ZNF333: variants seen among roughly 807,000 people sequenced by gnomAD.
The protein encoded by ZNF333 is zinc finger protein 333.
In ZNF333, 61 loss-of-function variants were observed where a neutral mutation model predicts 76.1. The observed-to-expected ratio is 0.80, with a 90% CI of 0.65 to 0.99. The LOEUF (loss-of-function observed/expected upper bound fraction) is 0.99, where lower values mean the gene tolerates loss of function less well. Ranked by LOEUF, ZNF333 falls within the 50% of genes least tolerant of loss-of-function variation. The pLI, the probability that ZNF333 is intolerant of heterozygous loss-of-function variation, is 0.00. For missense variants in ZNF333, 717 were observed against 822.4 expected (o/e 0.87, Z 1.57); for synonymous variants, 284 against 305.0 (o/e 0.93, Z 0.72).
At position 14,706,737 on chromosome 19, in the gene ZNF333, C is replaced by T. The variant is rs754466142; in HGVS notation, c.475C>T (p.Leu159=). 2.4e-5 allele frequency: 38 copies of T among 1,613,844 alleles called. No individual in the cohort carries two copies. The highest frequency in any genetic ancestry group is 3.0e-5 in the Non-Finnish European group (35 of 1,180,006). Residue 159 remains leucine, a synonymous_variant, in exon 7 of 12, where the codon CTG becomes TTG. Transcript: ENST00000292530. ...GAGGGTGGTGATACCAGTGCCTACT[C>T]TGGGCCACCGCAACCCATGGGTGGC... is the stretch of plus-strand genomic sequence containing the variant. ...IQRVVIPVPT[L]GHRNPWVARD...
chr19:14,724,083 G>C (rs1452912575), downstream of ZNF333, among the ~76,000 whole-genome samples: 3 of 152,184 alleles, frequency 2.0e-5, no homozygotes, highest in Admixed American at 2.0e-4. Context: ...CCATCTTTTG[G>C]TGTACTGCCT....
chr19:14,711,474 A>G (rs1291237389), intron 7 of ZNF333, among the ~76,000 whole-genome samples: 1 of 152,042 alleles, frequency 6.6e-6, no homozygotes, highest in Non-Finnish European at 1.5e-5. Flanking sequence ...GTTGGAGACC[A>G]GCCTGGGCAA....
At chr19:14,699,672 G>T (rs1156748698) in intron 5 of ZNF333, among the ~76,000 whole-genome samples, 1 of 152,078 alleles carries the variant, frequency 6.6e-6, no homozygotes, top group Admixed American at 6.6e-5. Flanking sequence ...GTGTTGGCCA[G>T]GCTGGTCTCG....
intron 5 of ZNF333, among the ~76,000 whole-genome samples, chr19:14,702,818 T>A (rs2041995680): frequency 6.6e-6 from 1 of 152,122 alleles, no homozygotes; most frequent in African/African-American, 2.4e-5. Flanking sequence ...CTCAGGAAAC[T>A]TACAACATGG....
downstream of ZNF333, among the ~76,000 whole-genome samples, chr19:14,724,152 A>C (rs541504103): frequency 3.3e-5 from 5 of 152,162 alleles, no homozygotes; most frequent in African/African-American, 1.2e-4. Context: ...GTCCTTGCCT[A>C]TCTTAATGAG....
chr19:14,718,201 G>T (rs754889255), intron 11 of ZNF333, 27 bp from the exon 12 acceptor site: 1 of 1,583,144 alleles, frequency 6.3e-7, no homozygotes, highest in Non-Finnish European at 8.6e-7. Context: ...TAAGGCCTTT[G>T]GTCTTCACAT....
chr19:14,704,511 A>G (rs1041130043), intron 5 of ZNF333, among the ~76,000 whole-genome samples: 2 of 152,186 alleles, frequency 1.3e-5, no homozygotes, highest in African/African-American at 4.8e-5. Flanking sequence ...TGATAAAGAC[A>G]TACCCGAGAC....
At chr19:14,708,789 C>G (rs189056525) in intron 7 of ZNF333, 1 of 160,552 alleles carries the variant, frequency 6.2e-6, no homozygotes, top group East Asian at 1.7e-4. Context: ...GCCAGAAGCT[C>G]GAGAGCAAGG....
chr19:14,701,594 T>C, intron 5 of ZNF333: 5 of 985,406 alleles, frequency 5.1e-6, no homozygotes, highest in Non-Finnish European at 6.0e-6. Flanking sequence ...GTGGACCCCA[T>C]GTGAAGAAAG....
intron 5 of ZNF333, among the ~76,000 whole-genome samples, chr19:14,700,047 C>T: frequency 6.6e-6 from 1 of 152,180 alleles, no homozygotes. Flanking sequence ...CTCTGCCACA[C>T]AGGCTGGAAT....
Position 14,718,722 on chromosome 19 carries a change from C to T in ZNF333, c.1395C>T (p.Leu465=), listed in dbSNP as rs1234352402. The T allele has an allele frequency of 1.2e-6, 2 of 1,613,972 alleles. No individual in the cohort carries two copies. The highest frequency in any genetic ancestry group is 2.2e-5 in the East Asian group (1 of 44,876). ...AAGCCTTCAATCAGCCATCATCCCTCAGGAGCCACGTGAGAACTCACACTG... is the reference window on the plus strand; with the variant it reads ...AAGCCTTCAATCAGCCATCATCCCTTAGGAGCCACGTGAGAACTCACACTG... ...CGKAFNQPSS[L]RSHVRTHTGE... Residue 465 remains leucine (L), a synonymous_variant, in exon 12 of 12, where the codon CTC becomes CTT. Transcript: ENST00000292530.
chr19:14,719,110 T>C lies in ZNF333; in HGVS notation c.1783T>C (p.Cys595Arg). Residue 595 changes from cysteine (C) to arginine (R), a missense_variant, in exon 12 of 12, where the codon TGC becomes CGC. Cys to Arg is a radical substitution (Grantham distance 180). Coordinates refer to ENST00000292530, the MANE Select transcript of ZNF333 (RefSeq NM_032433.4). ...CAAGAAGCCCTATGCATGCCAGGAA[T>C]GCGGGCGAGCCTTTGGTCAGTCTTC... ...SGKKPYACQE[C>R]GRAFGQSSHL... The C allele has an allele frequency of 1.9e-6, 3 of 1,614,194 alleles. No homozygotes were observed. Among genetic ancestry groups the C allele is most frequent in the Non-Finnish European group, 1.7e-6 (2 of 1,180,026 alleles).
At chr19:14,702,450 T>C (rs1359215687) in intron 5 of ZNF333, among the ~76,000 whole-genome samples, 1 of 152,162 alleles carries the variant, frequency 6.6e-6, no homozygotes, top group East Asian at 1.9e-4. Context: ...AGCCCAGGAA[T>C]TCAAGGCTGC....
At chr19:14,732,561 G>C (rs1380513557) in exon 12 of ZNF333, 1 of 152,154 alleles carries the variant, frequency 6.6e-6, no homozygotes, top group African/African-American at 2.4e-5. Flanking sequence ...TCATGGTCTG[G>C]AAACTATGGG....
At chr19:14,732,797 A>C (rs909093161) in exon 12 of ZNF333, 1 of 152,162 alleles carries the variant, frequency 6.6e-6, no homozygotes, top group Non-Finnish European at 1.5e-5. Context: ...GTTCAAGTTC[A>C]GTGTCTGTAA....
rs1240792057 is a variant in ZNF333, at chr19:14,721,327, A to T, written c.*2002A>T. On this transcript the variant is annotated 3_prime_UTR_variant, in exon 12 of 12. Transcript: ENST00000292530. ...TTTTGGTTTTAAAGTTCTCTTAGGT[A>T]TAACTTACATAAACGTTAATAAATC... The T allele has an allele frequency of 1.7e-5, 2 of 118,076 alleles. No homozygotes were observed. Among genetic ancestry groups the T allele is most frequent in the Admixed American group, 1.1e-4 (1 of 8,930 alleles). The allele number at this position is 118,076 out of a possible 1,614,324, so 7.3% of individuals were successfully genotyped here.
chr19:14,693,392 C>A, intron 1 of ZNF333, 59 bp from the exon 2 acceptor site: 2 of 1,394,248 alleles, frequency 1.4e-6, no homozygotes, highest in Non-Finnish European at 2.0e-6. Flanking sequence ...GGAGATCCCC[C>A]AAAATGCTCT....
rs1297874426 is a variant in ZNF333, at chr19:14,718,508, TTGAC to T, written c.1184_1187del (p.Asp395ValfsTer18). 6.2e-7 allele frequency: 1 copy of T among 1,614,204 alleles called. No individual in the cohort carries two copies. The highest frequency in any genetic ancestry group is 1.6e-4 in the Middle Eastern group (1 of 6,062). ...AAGACTCATACTGCAGAGAAGTGCT[TTGAC>T]TGTCAAGAATGTGGGCAAGCCTTCA... is the stretch of plus-strand genomic sequence containing the variant. On this transcript the variant is annotated frameshift_variant, in exon 12 of 12. Coordinates refer to ENST00000292530, the MANE Select transcript of ZNF333 (RefSeq NM_032433.4). LOFTEE classifies it high-confidence loss of function.
intron 4 of ZNF333, among the ~76,000 whole-genome samples, chr19:14,698,241 G>T (rs1973366779): frequency 6.6e-6 from 1 of 152,046 alleles, no homozygotes; most frequent in East Asian, 1.9e-4. Flanking sequence ...TGACATGGTG[G>T]TGCGCGCCTG....
Sources: allele counts gnomAD v4.1 joint callset (sites outside exome capture counted in the v4.1 genomes callset), GRCh38; gene constraint gnomAD v4.1.1; transcripts MANE v1.5; gene names NCBI Gene and HGNC (gene_info 2026-07-23, HGNC 2026-07-21).